Variants in IL18R1 observed in about 807,000 individuals in gnomAD.
IL18R1 encodes the protein interleukin-18 receptor 1.
Under a neutral mutation model 48.5 loss-of-function variants are expected in IL18R1, and 40 were observed. The ratio of observed to expected loss-of-function variants is 0.82; its 90% CI spans 0.64 to 1.07. The LOEUF is 1.07. Among genes scored for constraint, IL18R1 ranks in the 50% least tolerant of loss-of-function variants. The pLI, the probability that IL18R1 is intolerant of heterozygous loss-of-function variation, is 0.00. For missense variants in IL18R1, 596 were observed against 633.7 expected, an observed-to-expected ratio of 0.94 and a Z score of 0.64; for synonymous variants, 232 against 225.9, an observed-to-expected ratio of 1.03 and a Z score of -0.24.
intron 1 of IL18R1, among the ~76,000 whole-genome samples, chr2:102,360,777 A>G (rs1035745982): frequency 6.6e-6 from 1 of 152,058 alleles, no homozygotes; most frequent in Non-Finnish European, 1.5e-5. Context: ...ACAATTAAAA[A>G]CCCTTAAAAT....
At chr2:102,373,931 C>A in intron 4 of IL18R1, 1 of 444,768 alleles carries the variant, frequency 2.2e-6, no homozygotes, top group South Asian at 1.6e-5. Context: ...CTCCCATCAC[C>A]CCCAGATAGG....
rs1680925208 is a variant in IL18R1 at position 102,398,339 on chromosome 2, T to C, written c.*1453T>C. On this transcript the variant is annotated 3_prime_UTR_variant, in exon 11 of 11. Coordinates refer to ENST00000233957, the MANE Select transcript of IL18R1 (RefSeq NM_003855.5). ...CTGTGAAACCGTCAGTTCGGAAGGC[T>C]GGTTAGAACATGTGGGAGCAACATG... The C allele has an allele frequency of 6.6e-6, 1 of 152,368 alleles. No homozygotes were observed. Among genetic ancestry groups the C allele is most frequent in the Non-Finnish European group, 1.5e-5 (1 of 68,048 alleles). The allele number at this position is 152,368 out of a possible 1,614,324, so 9.4% of individuals were successfully genotyped here.
chr2:102,396,611 G>C lies in IL18R1; in HGVS notation c.1351G>C (p.Glu451Gln). The C allele has an allele frequency of 1.2e-6, 2 of 1,613,602 alleles. No homozygotes were observed. The highest frequency in any genetic ancestry group is 1.7e-6 in the Non-Finnish European group (2 of 1,179,550). The change falls in exon 11 of 11, where the codon GAG becomes CAG. Residue 451 changes from glutamate (E) to glutamine (Q), a missense_variant. By Grantham distance (29) the Glu-to-Gln change is conservative. This residue lies in a region of IL18R1 where 179 missense variants were observed against 206.1 expected (regional missense o/e 0.87). Transcript: ENST00000233957. ...IVLSKSYMSN[E>Q]VRYELESGLH... Reference sequence around the variant, plus strand: ...CCTAAGTAAAAGTTATATGTCTAATGAGGTCAGGTATGAACTTGAAAGTGG... The same window carrying C: ...CCTAAGTAAAAGTTATATGTCTAATCAGGTCAGGTATGAACTTGAAAGTGG...
At chr2:102,356,808 A>G (rs913718441) in intron 1 of IL18R1, among the ~76,000 whole-genome samples, 3 of 151,450 alleles carry the variant, frequency 2.0e-5, no homozygotes, top group East Asian at 3.9e-4. Context: ...AAGAGTATCC[A>G]GCTACTAAGT....
intron 2 of IL18R1, among the ~76,000 whole-genome samples, chr2:102,365,899 G>A (rs1678866576): frequency 6.6e-6 from 1 of 152,190 alleles, no homozygotes; most frequent in Non-Finnish European, 1.5e-5. Flanking sequence ...TGGAGGGGTA[G>A]GATGCAGGGC....
intron 9 of IL18R1, among the ~76,000 whole-genome samples, chr2:102,393,833 G>T (rs1042020492): frequency 6.6e-6 from 1 of 152,116 alleles, no homozygotes; most frequent in African/African-American, 2.4e-5. Context: ...CATGTCCATC[G>T]GGATCACTCT....
rs78925978 is a variant in IL18R1, at chr2:102,394,915, A to G, written c.1270+288A>G. Among the ~76,000 whole-genome samples, 229 of 152,268 alleles carry G rather than the reference A, an allele frequency of 1.5e-3. 4 individuals carry two copies. In the East Asian group the frequency reaches 0.035, roughly 23 times the overall value. ...AACCGGGCCCAGAGCTGGCGTTATC[A>G]TGAAGCCTTTATTTAGAAATGACCC... On this transcript the variant is annotated intron_variant, in intron 10 of 10. Coordinates refer to ENST00000233957, the MANE Select transcript of IL18R1 (RefSeq NM_003855.5).
chr2:102,356,825 T>A (rs1039667614), intron 1 of IL18R1, among the ~76,000 whole-genome samples: 1 of 151,252 alleles, frequency 6.6e-6, no homozygotes, highest in African/African-American at 2.4e-5. Context: ...AAGTAGTAGA[T>A]CCCAGATCCA....
chr2:102,386,812 C>T (rs1387986750), intron 7 of IL18R1, 49 bp from the exon 8 acceptor site: 3 of 1,591,246 alleles, frequency 1.9e-6, no homozygotes, highest in Non-Finnish European at 2.6e-6. Context: ...ATTCCCCTCT[C>T]AAGGGTAACG....
chr2:102,361,946 A>G (rs1559616502), intron 1 of IL18R1, among the ~76,000 whole-genome samples: 1 of 152,134 alleles, frequency 6.6e-6, no homozygotes, highest in Non-Finnish European at 1.5e-5. Context: ...GGAGACTGTC[A>G]CTTCATCTCT....
At chr2:102,393,684 G>A (rs1209915677) in intron 9 of IL18R1, among the ~76,000 whole-genome samples, 4 of 152,152 alleles carry the variant, frequency 2.6e-5, no homozygotes, top group Non-Finnish European at 4.4e-5. Flanking sequence ...TTACCCATCT[G>A]CCATCATCTG....
chr2:102,382,419 T>C (rs1054199827), intron 6 of IL18R1, among the ~76,000 whole-genome samples: 1 of 152,186 alleles, frequency 6.6e-6, no homozygotes, highest in Non-Finnish European at 1.5e-5. Context: ...TATTTGGAGT[T>C]TGTCTAGATA....
intron 5 of IL18R1, among the ~76,000 whole-genome samples, chr2:102,380,618 C>T (rs1038672555): frequency 6.6e-6 from 1 of 152,156 alleles, no homozygotes; most frequent in Non-Finnish European, 1.5e-5. Context: ...GTTTCATTCT[C>T]CTGTTCTTGC....
chr2:102,376,512 T>G (rs1434005544), intron 5 of IL18R1, among the ~76,000 whole-genome samples: 2 of 152,054 alleles, frequency 1.3e-5, no homozygotes, highest in Non-Finnish European at 2.9e-5. Context: ...TACATAAAGG[T>G]GTATGAAACA....
intron 6 of IL18R1, 135 bp downstream of exon 6, chr2:102,381,817 G>GTA: frequency 1.5e-6 from 1 of 672,770 alleles, no homozygotes; most frequent in East Asian, 2.8e-5. Context: ...ACAAAACTAA[G>GTA]AAAAGAGTGC....
At chr2:102,371,176 T>A (rs1289289627) in intron 3 of IL18R1, among the ~76,000 whole-genome samples, 2 of 151,934 alleles carry the variant, frequency 1.3e-5, no homozygotes, top group African/African-American at 4.8e-5. Context: ...TAGCTGGGAT[T>A]ACCGTACCCA....
chr2:102,384,746 G>A (rs1452347700), intron 6 of IL18R1, 132 bp from the exon 7 acceptor site: 3 of 873,122 alleles, frequency 3.4e-6, no homozygotes, highest in South Asian at 3.4e-5. Context: ...TTAAAGCAAG[G>A]CATATTTATT....
chr2:102,357,885 TG>T (rs1678345044), intron 1 of IL18R1, among the ~76,000 whole-genome samples: 1 of 152,114 alleles, frequency 6.6e-6, no homozygotes, highest in Non-Finnish European at 1.5e-5. Flanking sequence ...TTTAAGCGTG[TG>T]TGTGTGTGTG....
chr2:102,396,978 A>G lies in IL18R1; in HGVS notation c.*92A>G, dbSNP rs993928452. The stretch of plus-strand genomic sequence containing the variant: ...CATAACAAAGGCTGTGACTCGAAAT[A>G]ATTAACTTTGTCAAAATCCTGCTCA... On this transcript the variant is annotated 3_prime_UTR_variant, in exon 11 of 11. Transcript: ENST00000233957. 9.4e-6 allele frequency: 7 copies of G among 747,616 alleles called. No individual in the cohort carries two copies. The Middle Eastern group carries it at 7.3e-4, about 78-fold the overall frequency. The allele number at this position is 747,616 out of a possible 1,614,324, so 46.3% of individuals were successfully genotyped here.
Sources: allele counts gnomAD v4.1 joint callset (sites outside exome capture counted in the v4.1 genomes callset), GRCh38; gene constraint gnomAD v4.1.1; regional missense constraint gnomAD v4.1.1; transcripts MANE v1.5; gene names NCBI Gene and HGNC (gene_info 2026-07-23, HGNC 2026-07-21).